MRPS28: variants seen among roughly 807,000 people sequenced by gnomAD.
MRPS28 encodes the protein mitochondrial ribosomal protein S28, also known as small ribosomal subunit protein bS1m.
A neutral mutation model predicts 10.8 loss-of-function variants in MRPS28; 7 were observed. The observed-to-expected ratio is 0.65, with a 90% confidence interval of 0.37 to 1.22. The LOEUF is 1.22. Among genes scored for constraint, MRPS28 ranks in the 50% most tolerant of loss-of-function variants. MRPS28 has a pLI of 0.02. For missense variants in MRPS28, 265 were observed against 232.9 expected, an observed-to-expected ratio of 1.14 and a Z score of -0.90; for synonymous variants, 121 against 93.3, an observed-to-expected ratio of 1.30 and a Z score of -1.71.
chr8:80,017,018 G>C (rs1000238107), intron 1 of MRPS28, among the ~76,000 whole-genome samples: 2 of 152,076 alleles, frequency 1.3e-5, no homozygotes, highest in Admixed American at 6.5e-5. Context: ...CATGCCACAT[G>C]AAACAGTCAC....
rs191991498 is a variant in MRPS28, at chr8:79,933,445, G to A, written c.396-14297C>T. On this transcript the variant is annotated intron_variant, in intron 2 of 2. Transcript: ENST00000276585. Reference sequence around the variant, plus strand: ...AGGTTCAGTCTCCAAATACAGTCACGCTGGAAACTTGGGCTTCAACATATA... The same window carrying A: ...AGGTTCAGTCTCCAAATACAGTCACACTGGAAACTTGGGCTTCAACATATA... Among the ~76,000 whole-genome samples, 438 of 152,298 alleles carry A rather than the reference G, an allele frequency of 2.9e-3. 3 individuals are homozygous for A. Among genetic ancestry groups the A allele is most frequent in the African/African-American group, 9.5e-3 (396 of 41,562 alleles).
intron 2 of MRPS28, among the ~76,000 whole-genome samples, chr8:79,921,814 A>G (rs546482245): frequency 2.0e-5 from 3 of 152,240 alleles, no homozygotes; most frequent in East Asian, 1.9e-4. Context: ...AACTTCCAAC[A>G]CTATGTTGAA....
At chr8:80,001,073 CA>C in intron 2 of MRPS28, among the ~76,000 whole-genome samples, 1 of 152,154 alleles carries the variant, frequency 6.6e-6, no homozygotes. Context: ...CTTGACTAAG[CA>C]GTTGAACATC....
At chr8:79,939,842 C>T (rs1489786759) in intron 2 of MRPS28, among the ~76,000 whole-genome samples, 2 of 151,906 alleles carry the variant, frequency 1.3e-5, no homozygotes, top group South Asian at 2.1e-4. Flanking sequence ...TGGTGGCGGG[C>T]GCCTGTAGTC....
At chr8:80,026,191 T>C (rs1326085334) in intron 1 of MRPS28, among the ~76,000 whole-genome samples, 2 of 152,198 alleles carry the variant, frequency 1.3e-5, no homozygotes, top group Non-Finnish European at 2.9e-5. Context: ...ATTAAATAGG[T>C]CCAGTAAGTT....
intron 1 of MRPS28, among the ~76,000 whole-genome samples, chr8:80,008,365 A>G (rs1244227783): frequency 7.4e-6 from 1 of 135,006 alleles, no homozygotes; most frequent in African/African-American, 2.6e-5. Context: ...AGGCATGGGC[A>G]AGGACTTCAT....
intron 2 of MRPS28, among the ~76,000 whole-genome samples, chr8:79,961,701 A>G (rs985455157): frequency 6.6e-6 from 1 of 152,120 alleles, no homozygotes; most frequent in African/African-American, 2.4e-5. Context: ...TTCTTTCCCA[A>G]TCAGGGCTTC....
At chr8:80,025,246 T>C (rs1218368666) in intron 1 of MRPS28, among the ~76,000 whole-genome samples, 1 of 152,186 alleles carries the variant, frequency 6.6e-6, no homozygotes, top group Non-Finnish European at 1.5e-5. Context: ...AAATCAGGAA[T>C]GAAAGATGAT....
intron 2 of MRPS28, among the ~76,000 whole-genome samples, chr8:79,935,353 TTTC>T (rs951076034): frequency 1.3e-4 from 20 of 152,170 alleles, no homozygotes; most frequent in African/African-American, 4.6e-4. Flanking sequence ...TTTTCCTTTC[TTTC>T]TTCTTCTTCT....
In MRPS28 at chr8:80,003,093, T is replaced by C. The variant is rs774617633; in HGVS notation, c.301A>G (p.Ile101Val). The C allele has an allele frequency of 2.5e-6, 4 of 1,613,704 alleles. No individual in the cohort carries two copies. The Admixed American group carries it at 5.0e-5, about 20-fold the overall frequency. Residue 101 changes from isoleucine to valine, a missense_variant, in exon 2 of 3, where the codon ATT becomes GTT. By Grantham distance (29) the Ile-to-Val change is conservative. Transcript: ENST00000276585. ...TCCACAATATGAAAGATCCGTCCAA[T>C]GACCAGTTTATCCTTTGCAGGTCCC... is the stretch of plus-strand genomic sequence containing the variant. ...QMGPAKDKLV[I>V]GRIFHIVEND...
intron 2 of MRPS28, among the ~76,000 whole-genome samples, chr8:79,967,939 G>C (rs1373885225): frequency 3.3e-5 from 5 of 151,878 alleles, no homozygotes; most frequent in Non-Finnish European, 1.5e-5. Flanking sequence ...ACATTATCTT[G>C]AATGTACAGA....
intron 2 of MRPS28, among the ~76,000 whole-genome samples, chr8:80,000,958 G>C (rs1047440135): frequency 6.6e-6 from 1 of 152,064 alleles, no homozygotes; most frequent in Non-Finnish European, 1.5e-5. Context: ...GCCGACAAAA[G>C]AATATCCCCA....
chr8:79,987,874 G>A (rs1452478477), intron 2 of MRPS28, among the ~76,000 whole-genome samples: 1 of 152,158 alleles, frequency 6.6e-6, no homozygotes, highest in Non-Finnish European at 1.5e-5. Context: ...CGATTCCTCA[G>A]GGATCTAGAA....
intron 2 of MRPS28, among the ~76,000 whole-genome samples, chr8:79,938,847 T>C (rs1806680465): frequency 6.6e-6 from 1 of 152,198 alleles, no homozygotes; most frequent in Non-Finnish European, 1.5e-5. Context: ...AGCCCCAATT[T>C]GATCAAACAA....
At chr8:80,029,960 C>CG (rs1809609712) in intron 1 of MRPS28, 76 bp downstream of exon 1, 2 of 1,552,138 alleles carry the variant, frequency 1.3e-6, no homozygotes, top group Non-Finnish European at 1.7e-6. Flanking sequence ...AGCCAGGCTC[C>CG]GCCCCTATTC....
chr8:79,996,893 T>C (rs989474258), intron 2 of MRPS28, among the ~76,000 whole-genome samples: 1 of 152,336 alleles, frequency 6.6e-6, no homozygotes, highest in Non-Finnish European at 1.5e-5. Flanking sequence ...AATTTGGATA[T>C]ACACAGCCCT....
At chr8:80,012,222 T>C (rs990989978) in intron 1 of MRPS28, among the ~76,000 whole-genome samples, 2 of 152,220 alleles carry the variant, frequency 1.3e-5, no homozygotes, top group African/African-American at 4.8e-5. Flanking sequence ...GATTAACACC[T>C]GAATTTGCTT....
intron 2 of MRPS28, among the ~76,000 whole-genome samples, chr8:79,944,565 C>T (rs1034186762): frequency 6.6e-6 from 1 of 152,138 alleles, no homozygotes; most frequent in Non-Finnish European, 1.5e-5. Flanking sequence ...TCTTTGGAGG[C>T]TACCATTACC....
At chr8:79,974,457 C>A (rs565365524) in intron 2 of MRPS28, among the ~76,000 whole-genome samples, 3 of 151,770 alleles carry the variant, frequency 2.0e-5, no homozygotes, top group Admixed American at 2.0e-4. Context: ...AGGAGAATGG[C>A]GTGAACCCGA....
Sources: allele counts gnomAD v4.1 joint callset (sites outside exome capture counted in the v4.1 genomes callset), GRCh38; gene constraint gnomAD v4.1.1; transcripts MANE v1.5; gene names NCBI Gene and HGNC (gene_info 2026-07-23, HGNC 2026-07-21).